The following GRB2 variants were observed in gnomAD, a reference collection of about 807,000 sequenced individuals.
GRB2 encodes the protein growth factor receptor-bound protein 2.
In GRB2, 2 loss-of-function variants were observed where a neutral mutation model predicts 27.4. That is an observed-to-expected ratio of 0.07 (90% CI 0.03 to 0.23). GRB2 has a LOEUF of 0.23. Ranked by LOEUF, GRB2 falls within the 10% of genes least tolerant of loss-of-function variation. GRB2 has a pLI of 1.00. For missense variants in GRB2, 102 were observed against 282.4 expected, an observed-to-expected ratio of 0.36 and a Z score of 4.58; for synonymous variants, 94 against 99.6, an observed-to-expected ratio of 0.94 and a Z score of 0.33.
intron 4 of GRB2, among the ~76,000 whole-genome samples, chr17:75,322,073 T>C (rs756476085): frequency 8.5e-5 from 13 of 152,068 alleles, no homozygotes; most frequent in Non-Finnish European, 1.8e-4. Flanking sequence ...CTGAAGATGT[T>C]TGTAAGATAA....
At chr17:75,401,552 AT>A (rs2079064253) in intron 1 of GRB2, among the ~76,000 whole-genome samples, 1 of 151,542 alleles carries the variant, frequency 6.6e-6, no homozygotes, top group Admixed American at 6.6e-5. Context: ...TTGTATTTTC[AT>A]TATTTTTACA....
rs542376646 is a variant in GRB2, at chr17:75,354,754, A to C, written c.79-21957T>G. On this transcript the variant is annotated intron_variant, in intron 2 of 5. Transcript: ENST00000316804. ...AAACTTCCAGAAAGAGAACAGTGAA[A>C]ATAGAAGAAAAGACACTACGAAATG... is the stretch of plus-strand genomic sequence containing the variant. Among the ~76,000 whole-genome samples the C allele has an allele frequency of 5.4e-4, 83 of 152,350 alleles. 1 individual carries two copies. The highest frequency in any genetic ancestry group is 1.9e-3 in the African/African-American group (80 of 41,590).
At chr17:75,340,852 T>A (rs1162918047) in intron 2 of GRB2, among the ~76,000 whole-genome samples, 2 of 152,190 alleles carry the variant, frequency 1.3e-5, no homozygotes, top group Non-Finnish European at 2.9e-5. Flanking sequence ...ACCCACAGTG[T>A]AGATAAACGA....
chr17:75,378,281 T>C (rs2078907214), intron 2 of GRB2, among the ~76,000 whole-genome samples: 1 of 151,966 alleles, frequency 6.6e-6, no homozygotes, highest in African/African-American at 2.4e-5. Context: ...TCCTAGCTAC[T>C]TGGGAGGCTG....
intron 2 of GRB2, among the ~76,000 whole-genome samples, chr17:75,358,576 C>A (rs913459919): frequency 6.6e-6 from 1 of 151,564 alleles, no homozygotes; most frequent in African/African-American, 2.4e-5. Context: ...TTAAGAGTAA[C>A]AGACAGGGCC....
chr17:75,333,081 GT>G (rs57838948), intron 2 of GRB2, among the ~76,000 whole-genome samples: 32 of 146,576 alleles, frequency 2.2e-4, no homozygotes, highest in Admixed American at 3.4e-4. Context: ...AGTATTAGTT[GT>G]TTTTTTTTTT....
chr17:75,324,430 G>A (rs1029445656), intron 4 of GRB2, among the ~76,000 whole-genome samples: 10 of 126,826 alleles, frequency 7.9e-5, no homozygotes, highest in African/African-American at 3.1e-4. Flanking sequence ...GGCTGGTCTC[G>A]AACTTCTGAC....
intron 1 of GRB2, chr17:75,394,719 C>G (rs186552541): frequency 6.6e-6 from 1 of 152,168 alleles, no homozygotes; most frequent in Non-Finnish European, 1.5e-5. Flanking sequence ...AGATGGTGCC[C>G]GCAGAAGGTC....
intron 2 of GRB2, among the ~76,000 whole-genome samples, chr17:75,337,017 C>G (rs918029493): frequency 6.6e-6 from 1 of 152,180 alleles, no homozygotes; most frequent in Non-Finnish European, 1.5e-5. Context: ...GGATTATAGG[C>G]GTGAGCCATC....
intron 2 of GRB2, among the ~76,000 whole-genome samples, chr17:75,385,584 T>C (rs1232242920): frequency 6.6e-6 from 1 of 152,112 alleles, no homozygotes; most frequent in Non-Finnish European, 1.5e-5. Context: ...CAAAAGAACA[T>C]AAAATCAGGA....
intron 1 of GRB2, among the ~76,000 whole-genome samples, chr17:75,401,136 A>C (rs2079060771): frequency 6.6e-6 from 1 of 151,904 alleles, no homozygotes; most frequent in South Asian, 2.1e-4. Context: ...AAAATAATAC[A>C]TCAGTATGTG....
At chr17:75,371,756 C>T (rs1567870155) in intron 2 of GRB2, 1 of 151,508 alleles carries the variant, frequency 6.6e-6, no homozygotes, top group South Asian at 2.1e-4. Flanking sequence ...TACGAGATAG[C>T]CCAGTGGTCA....
rs373649422 is a variant in GRB2 at position 75,329,263 on chromosome 17, C to G, written c.177-3243G>C. ...ATCTCTCCACTAGGGAGGTTTTTTCCCATTTGTAGGTATAAAATAATGAAT... is the reference window on the plus strand; with the variant it reads ...ATCTCTCCACTAGGGAGGTTTTTTCGCATTTGTAGGTATAAAATAATGAAT... On this transcript the variant is annotated intron_variant, in intron 3 of 5. Transcript: ENST00000316804. 6.6e-5 allele frequency among the ~76,000 whole-genome samples: 10 copies of G among 152,128 alleles called. No individual in the cohort carries two copies. The East Asian group carries it at 1.5e-3, about 24-fold the overall frequency.
Position 75,318,233 on chromosome 17 carries a change from T to C in GRB2, c.*2135A>G, listed in dbSNP as rs190021873. 5.9e-5 allele frequency: 9 copies of C among 152,456 alleles called. No homozygotes were observed. Among genetic ancestry groups the C allele is most frequent in the Admixed American group, 5.2e-4 (8 of 15,300 alleles). The allele number at this position is 152,456 out of a possible 1,614,324, so 9.4% of individuals were successfully genotyped here. On this transcript the variant is annotated 3_prime_UTR_variant, in exon 6 of 6. Coordinates refer to ENST00000316804, the MANE Select transcript of GRB2 (RefSeq NM_002086.5). ...CTTAGTTCAGCAAGGCTTCATGATA[T>C]ACACCAATTCCAAAATAAAACAATC... is the stretch of plus-strand genomic sequence containing the variant.
intron 2 of GRB2, among the ~76,000 whole-genome samples, chr17:75,335,828 A>G (rs1362344592): frequency 6.6e-6 from 1 of 152,230 alleles, no homozygotes; most frequent in Non-Finnish European, 1.5e-5. Flanking sequence ...TCGTAAAAAA[A>G]TCACATCAAA....
intron 2 of GRB2, among the ~76,000 whole-genome samples, chr17:75,350,415 CTG>C (rs1475192769): frequency 2.0e-5 from 3 of 152,182 alleles, no homozygotes; most frequent in African/African-American, 7.2e-5. Flanking sequence ...CCAGAGTGCT[CTG>C]TATGAAAGCA....
chr17:75,367,935 T>A (rs1053648564), intron 2 of GRB2, among the ~76,000 whole-genome samples: 2 of 151,974 alleles, frequency 1.3e-5, no homozygotes, highest in African/African-American at 4.8e-5. Flanking sequence ...GAGGCTGGAG[T>A]GCAGTGGCAC....
intron 1 of GRB2, among the ~76,000 whole-genome samples, chr17:75,398,130 G>T (rs573509434): frequency 7.3e-5 from 11 of 151,592 alleles, no homozygotes; most frequent in African/African-American, 2.4e-4. Context: ...GCCTTCAAAA[G>T]AAATTTTAAA....
intron 1 of GRB2, among the ~76,000 whole-genome samples, chr17:75,398,100 G>A (rs1229278595): frequency 6.6e-6 from 1 of 151,820 alleles, no homozygotes; most frequent in Non-Finnish European, 1.5e-5. Context: ...TGGGATTACA[G>A]GCATGAGCCA....
Sources: gnomAD v4.1 joint callset for allele counts (sites outside exome capture counted in the v4.1 genomes callset) on GRCh38, gnomAD v4.1.1 for gene constraint, MANE v1.5 for transcripts, NCBI Gene and HGNC (gene_info 2026-07-23, HGNC 2026-07-21) for gene names.